The following USP3 variants were observed in gnomAD, a reference collection of about 807,000 sequenced individuals.
The protein encoded by USP3 is ubiquitin carboxyl-terminal hydrolase 3.
Under a neutral mutation model 72.3 loss-of-function variants are expected in USP3, and 20 were observed. The ratio of observed to expected loss-of-function variants is 0.28; its 90% CI spans 0.19 to 0.40. The LOEUF (loss-of-function observed/expected upper bound fraction) is 0.40. Ranked by LOEUF, USP3 falls within the 10% of genes least tolerant of loss-of-function variation. The pLI is 1.00. For synonymous variants in USP3, 222 were observed against 225.3 expected, an observed-to-expected ratio of 0.99 and a Z score of 0.13; for missense variants, 479 against 633.9, an observed-to-expected ratio of 0.76 and a Z score of 2.62.
At chr15:63,534,886 A>C (rs2066131736) in intron 2 of USP3, among the ~76,000 whole-genome samples, 1 of 151,876 alleles carries the variant, frequency 6.6e-6, no homozygotes, top group African/African-American at 2.4e-5. Context: ...TATTGAACCT[A>C]TATGATACCT....
intron 11 of USP3, among the ~76,000 whole-genome samples, chr15:63,576,011 G>A (rs2152679730): frequency 7.6e-6 from 1 of 131,204 alleles, no homozygotes. Flanking sequence ...TTTTGAGACC[G>A]AGTCTTGCTC....
At chr15:63,532,759 C>A in intron 2 of USP3, 52 bp downstream of exon 2, 1 of 1,581,158 alleles carries the variant, frequency 6.3e-7, no homozygotes, top group Non-Finnish European at 8.7e-7. Context: ...TAAAATTTGT[C>A]TTTAAGCTTT....
At chr15:63,584,906 C>T (rs2067029951) in intron 11 of USP3, among the ~76,000 whole-genome samples, 1 of 151,978 alleles carries the variant, frequency 6.6e-6, no homozygotes, top group African/African-American at 2.4e-5. Flanking sequence ...ATGTTTAAGA[C>T]CTTTGATCTA....
chr15:63,527,402 G>T (rs529789161), intron 1 of USP3, among the ~76,000 whole-genome samples: 21 of 152,334 alleles, frequency 1.4e-4, no homozygotes, highest in African/African-American at 4.8e-4. Flanking sequence ...AGTTGAAACA[G>T]CTGTGAATAA....
rs183341511 is a variant in USP3, at chr15:63,533,257, G to A, written c.152+550G>A. Among the ~76,000 whole-genome samples, 141 of 152,160 alleles carry A rather than the reference G, an allele frequency of 9.3e-4. 1 individual carries two copies. The highest frequency in any genetic ancestry group is 3.4e-3 in the African/African-American group (140 of 41,528). On this transcript the variant is annotated intron_variant, in intron 2 of 14. Coordinates refer to ENST00000380324, the MANE Select transcript of USP3 (RefSeq NM_006537.4). ...AGATAAACGAATTCCTTTTGAAAAT[G>A]ATCTCATTGTGGAGTTCATTATTAA...
At chr15:63,573,739 G>A (rs2066816951) in intron 9 of USP3, among the ~76,000 whole-genome samples, 1 of 152,170 alleles carries the variant, frequency 6.6e-6, no homozygotes, top group Non-Finnish European at 1.5e-5. Context: ...GAGTCATGTT[G>A]CCCTGTGCAG....
rs1322397657 is a variant in USP3 at position 63,593,056 on chromosome 15, C to CA, written c.*2231dup. 2 of 152,242 alleles carry CA rather than the reference C, an allele frequency of 1.3e-5. No individual in the cohort carries two copies. Among genetic ancestry groups the CA allele is most frequent in the African/African-American group, 2.4e-5 (1 of 41,464 alleles). 9.4% of individuals were successfully genotyped at this position (152,242 alleles called of 1,614,324 possible). ...CCACATTTCAAGTGCTCAGCACCCACATACGGCGTAGGACAATGCTGGTCT... is the reference window on the plus strand; with the variant it reads ...CCACATTTCAAGTGCTCAGCACCCACAATACGGCGTAGGACAATGCTGGTCT... On this transcript the variant is annotated 3_prime_UTR_variant, in exon 15 of 15. Transcript: ENST00000380324.
chr15:63,515,247 C>T (rs905637179), intron 1 of USP3, among the ~76,000 whole-genome samples: 2 of 152,144 alleles, frequency 1.3e-5, no homozygotes, highest in African/African-American at 4.8e-5. Flanking sequence ...CAAAATAGGT[C>T]TGAATAAGTC....
At chr15:63,548,738 T>C (rs1365984115) in intron 3 of USP3, among the ~76,000 whole-genome samples, 1 of 152,144 alleles carries the variant, frequency 6.6e-6, no homozygotes, top group Non-Finnish European at 1.5e-5. Context: ...TCTGACTTTA[T>C]TGCCTAGTGG....
rs758056770 is a variant in USP3, at chr15:63,572,752, C to T, written c.909-1294C>T. Reference sequence around the variant, plus strand: ...TTATATTGCTATTAGCAAAAAAGAGCGTGTATTGGCTCAAGTAACTCCGTA... The same window carrying T: ...TTATATTGCTATTAGCAAAAAAGAGTGTGTATTGGCTCAAGTAACTCCGTA... On this transcript the variant is annotated intron_variant, in intron 9 of 14. Coordinates refer to ENST00000380324, the MANE Select transcript of USP3 (RefSeq NM_006537.4). Among the ~76,000 whole-genome samples, 11 of 152,172 alleles carry T rather than the reference C, an allele frequency of 7.2e-5. No homozygotes were observed. The East Asian group carries it at 7.7e-4, about 11-fold the overall frequency.
At chr15:63,517,038 T>G (rs1298599143) in intron 1 of USP3, among the ~76,000 whole-genome samples, 1 of 140,828 alleles carries the variant, frequency 7.1e-6, no homozygotes, top group African/African-American at 2.9e-5. Context: ...ATTTCCTTGA[T>G]TTTTTTTTTT....
At chr15:63,527,037 G>T (rs538658609) in intron 1 of USP3, among the ~76,000 whole-genome samples, 1 of 152,302 alleles carries the variant, frequency 6.6e-6, no homozygotes, top group East Asian at 1.9e-4. Context: ...AGGGACCACA[G>T]GTGTGCACCA....
rs2067241953 is a variant in USP3 at position 63,593,559 on chromosome 15, G to C, written c.*2733G>C. ...GGTCTTCAGACAGGTGATGCTGTTG[G>C]CTTAAGAGATGAACACGTCTTCTCT... On this transcript the variant is annotated 3_prime_UTR_variant, in exon 15 of 15. Transcript: ENST00000380324. 1 of 152,220 alleles carries C rather than the reference G, an allele frequency of 6.6e-6. No homozygotes were observed. The highest frequency in any genetic ancestry group is 1.5e-5 in the Non-Finnish European group (1 of 68,040). The allele number at this position is 152,220 out of a possible 1,614,324, so 9.4% of individuals were successfully genotyped here. A position where few individuals can be genotyped will look rare whatever the true frequency, so the allele number is the denominator to read the frequency against.
At chr15:63,542,146 A>G (rs1360181488) in intron 3 of USP3, 1 of 985,056 alleles carries the variant, frequency 1.0e-6, no homozygotes, top group African/African-American at 1.7e-5. Context: ...CAATAGCACT[A>G]ACAACAGGAA....
At chr15:63,555,763 T>C (rs1183934966) in intron 4 of USP3, among the ~76,000 whole-genome samples, 1 of 152,216 alleles carries the variant, frequency 6.6e-6, no homozygotes, top group Non-Finnish European at 1.5e-5. Context: ...CTACCAGTAC[T>C]GTAAGAGAGA....
At chr15:63,515,532 A>T (rs751362630) in intron 1 of USP3, 1 of 152,214 alleles carries the variant, frequency 6.6e-6, no homozygotes, top group Non-Finnish European at 1.5e-5. Context: ...CATATAGATG[A>T]CAAGTTTTGG....
intron 3 of USP3, among the ~76,000 whole-genome samples, chr15:63,552,958 C>A (rs1393372436): frequency 1.3e-5 from 2 of 152,034 alleles, no homozygotes; most frequent in Non-Finnish European, 2.9e-5. Flanking sequence ...TTAAAATTGG[C>A]CTTATCCCAG....
At chr15:63,576,303 A>ATG (rs1173882337) in intron 11 of USP3, among the ~76,000 whole-genome samples, 1 of 152,100 alleles carries the variant, frequency 6.6e-6, no homozygotes, top group Admixed American at 6.6e-5. Context: ...GTACTTTCTG[A>ATG]TGTTTAACAA....
In USP3 at chr15:63,592,543, G is replaced by A. The variant is rs187399062; in HGVS notation, c.*1717G>A. ...AGCTCACTGTAGCCTCAACCTCCCA[G>A]GCTCAAGCGATCCTCCCACTTCAGC... On this transcript the variant is annotated 3_prime_UTR_variant, in exon 15 of 15. Coordinates refer to ENST00000380324, the MANE Select transcript of USP3 (RefSeq NM_006537.4). The A allele has an allele frequency of 1.3e-5, 2 of 150,932 alleles. No homozygotes were observed. Among genetic ancestry groups the A allele is most frequent in the Admixed American group, 6.6e-5 (1 of 15,156 alleles). The allele number at this position is 150,932 out of a possible 1,614,324, so 9.3% of individuals were successfully genotyped here. A position where few individuals can be genotyped will look rare whatever the true frequency, so the allele number is the denominator to read the frequency against.
Sources: allele counts gnomAD v4.1 joint callset (sites outside exome capture counted in the v4.1 genomes callset), GRCh38; gene constraint gnomAD v4.1.1; transcripts MANE v1.5; gene names NCBI Gene and HGNC (gene_info 2026-07-23, HGNC 2026-07-21).